AMDHD1: variants seen among roughly 807,000 people sequenced by gnomAD.
The protein encoded by AMDHD1 is amidohydrolase domain containing 1.
A neutral mutation model predicts 44.1 loss-of-function variants in AMDHD1; 45 were observed. The ratio of observed to expected loss-of-function variants is 1.02; its 90% CI spans 0.80 to 1.31. The LOEUF (loss-of-function observed/expected upper bound fraction) is 1.31, where lower values mean the gene tolerates loss of function less well. AMDHD1 is among the 50% of genes most tolerant of loss of function. The pLI is 0.00. For missense variants in AMDHD1, 586 were observed against 552.1 expected, an observed-to-expected ratio of 1.06 and a Z score of -0.61; for synonymous variants, 206 against 205.0, an observed-to-expected ratio of 1.00 and a Z score of -0.04.
At chr12:95,967,497 A>T (rs1336928367) in intron 8 of AMDHD1, among the ~76,000 whole-genome samples, 1 of 152,226 alleles carries the variant, frequency 6.6e-6, no homozygotes, top group African/African-American at 2.4e-5. Flanking sequence ...TATTGGATAT[A>T]ATGCTGATGG....
rs1289354859 is a variant in AMDHD1 at position 95,965,788 on chromosome 12, T to C, written c.1032+9T>C. 2 of 1,572,294 alleles carry C rather than the reference T, an allele frequency of 1.3e-6. No individual in the cohort carries two copies. The highest frequency in any genetic ancestry group is 1.7e-6 in the Non-Finnish European group (2 of 1,146,566). ...CATATTGCTTTTCAATGGTAATTATTTTTTTCATGTACCTTTCTGAGCAGA... is the reference window on the plus strand; with the variant it reads ...CATATTGCTTTTCAATGGTAATTATCTTTTTCATGTACCTTTCTGAGCAGA... On this transcript the variant is annotated intron_variant, in intron 7 of 8. Coordinates refer to ENST00000266736, the MANE Select transcript of AMDHD1 (RefSeq NM_152435.3).
chr12:95,952,333 T>C (rs1341771369), intron 1 of AMDHD1, among the ~76,000 whole-genome samples: 1 of 152,252 alleles, frequency 6.6e-6, no homozygotes. Context: ...TGTACGTTCT[T>C]GGCATCTTTG....
intron 1 of AMDHD1, among the ~76,000 whole-genome samples, chr12:95,951,380 G>GT (rs1282090118): frequency 6.6e-6 from 1 of 152,088 alleles, no homozygotes; most frequent in African/African-American, 2.4e-5. Context: ...TTAACATAAT[G>GT]TCCTCCAGTT....
intron 2 of AMDHD1, 52 bp downstream of exon 2, chr12:95,952,875 C>A: frequency 1.9e-6 from 2 of 1,080,572 alleles, no homozygotes; most frequent in South Asian, 1.3e-5. Context: ...ACAGTTGCTC[C>A]TGAAATGTAA....
At chr12:95,943,602 G>A (rs2080477003) in intron 1 of AMDHD1, 67 bp downstream of exon 1, 1 of 1,380,190 alleles carries the variant, frequency 7.2e-7, no homozygotes, top group Non-Finnish European at 9.3e-7. Flanking sequence ...CTCTCACTGT[G>A]CACTCTGGAG....
At chr12:95,945,887 A>G (rs1405385185) in intron 1 of AMDHD1, among the ~76,000 whole-genome samples, 1 of 152,180 alleles carries the variant, frequency 6.6e-6, no homozygotes, top group African/African-American at 2.4e-5. Context: ...CTATAGATAT[A>G]TAAAATGAGT....
intron 1 of AMDHD1, among the ~76,000 whole-genome samples, chr12:95,949,140 TAAAAAAAAAAAAAAAAAAAGAAAAA>T (rs1188401102): frequency 4.5e-4 from 2 of 4,460 alleles, no homozygotes; most frequent in Non-Finnish European, 6.3e-4. Flanking sequence ...AAAAATAAAT[TAAAAAAAAAAAAAAAAAAAGAAAAA>T]AAAAAAAAAA....
Position 95,955,076 on chromosome 12 carries a change from A to AT in AMDHD1, c.309+107dup, listed in dbSNP as rs1250813890. 5 of 1,140,680 alleles carry AT rather than the reference A, an allele frequency of 4.4e-6. No homozygotes were observed. In the East Asian group the frequency reaches 7.3e-5, roughly 17 times the overall value. 70.7% of individuals were successfully genotyped at this position (1,140,680 alleles called of 1,614,324 possible). On this transcript the variant is annotated intron_variant, in intron 3 of 8. Coordinates refer to ENST00000266736, the MANE Select transcript of AMDHD1 (RefSeq NM_152435.3). ...CAAGCTTTGCAACATATGTCAACAT[A>AT]TTTTTTAATGGATATTTTTACTTGC...
Position 95,943,397 on chromosome 12 carries a change from A to G in AMDHD1, c.-2A>G. The G allele has an allele frequency of 6.7e-7, 1 of 1,492,588 alleles. No homozygotes were observed. Among genetic ancestry groups the G allele is most frequent in the Non-Finnish European group, 8.9e-7 (1 of 1,127,826 alleles). The allele number at this position is 1,492,588 out of a possible 1,614,324, so 92.5% of individuals were successfully genotyped here. ...TCCCGGCGACCCTCGGCGCGAGGCG[A>G]CATGGCAAGCGGCCACAGCCTCCTG... is the stretch of plus-strand genomic sequence containing the variant. On this transcript the variant is annotated 5_prime_UTR_variant, in exon 1 of 9. Transcript: ENST00000266736.
chr12:95,966,022 G>A (rs1003861056), intron 7 of AMDHD1, among the ~76,000 whole-genome samples: 5 of 152,158 alleles, frequency 3.3e-5, no homozygotes, highest in Non-Finnish European at 7.3e-5. Context: ...TTTGAGTATT[G>A]TAGTTTTACA....
At position 95,967,840 on chromosome 12, in the gene AMDHD1, A is replaced by G. The variant is rs780966517; in HGVS notation, c.1278A>G (p.Thr426=). The change falls in exon 9 of 9, where the codon ACA becomes ACG. Residue 426 remains threonine (T), a synonymous_variant. Coordinates refer to ENST00000266736, the MANE Select transcript of AMDHD1 (RefSeq NM_152435.3). ...CTAAAGGAAAACTCATCTATAAAAC[A>G]TGATAGATTTGAAAAGAGAAGACTT... ...VIAKGKLIYK[T] is the part of the protein sequence containing the mutation. 3.6e-5 allele frequency: 56 copies of G among 1,574,808 alleles called. No homozygotes were observed. Among genetic ancestry groups the G allele is most frequent in the Non-Finnish European group, 4.4e-5 (51 of 1,157,014 alleles).
chr12:95,954,823 G>T, intron 2 of AMDHD1, 88 bp from the exon 3 acceptor site: 1 of 1,222,538 alleles, frequency 8.2e-7, no homozygotes, highest in Non-Finnish European at 1.2e-6. Flanking sequence ...ACTTTCCCCA[G>T]AGCAGCAGGG....
In AMDHD1 at chr12:95,943,423, C is replaced by A. The variant is rs1408990600; in HGVS notation, c.25C>A (p.Leu9Met). 2 of 1,505,244 alleles carry A rather than the reference C, an allele frequency of 1.3e-6. No individual in the cohort carries two copies. The highest frequency in any genetic ancestry group is 1.8e-6 in the Non-Finnish European group (2 of 1,134,096). 93.2% of individuals were successfully genotyped at this position (1,505,244 alleles called of 1,614,324 possible). The change falls in exon 1 of 9, where the codon CTG (leucine) becomes ATG (methionine). Residue 9 changes from leucine (L) to methionine (M), a missense_variant. Physicochemically the swap from Leu to Met is conservative, Grantham distance 15. Transcript: ENST00000266736. ...CATGGCAAGCGGCCACAGCCTCCTG[C>A]TGGAGAACGCGCAGCAAGTGGTGCT... MASGHSLL[L>M]ENAQQVVLVC...
Position 95,960,590 on chromosome 12 carries a change from T to C in AMDHD1, c.780T>C (p.His260=). The change falls in exon 5 of 9, where the codon CAT becomes CAC. Residue 260 remains histidine, a synonymous_variant. Coordinates refer to ENST00000266736, the MANE Select transcript of AMDHD1 (RefSeq NM_152435.3). ...GKDIGLQINF[H]GDELHPMKAA... ...ATATAGGGTTACAGATTAACTTCCA[T>C]GGGGATGAACTCCACCCGATGAAGG... The C allele has an allele frequency of 1.9e-6, 3 of 1,614,216 alleles. No individual in the cohort carries two copies. Among genetic ancestry groups the C allele is most frequent in the Non-Finnish European group, 1.7e-6 (2 of 1,180,030 alleles).
chr12:95,962,308 G>C (rs577239782), intron 5 of AMDHD1, 47 bp from the exon 6 acceptor site: 1 of 1,579,754 alleles, frequency 6.3e-7, no homozygotes, highest in Non-Finnish European at 8.6e-7. Context: ...TCATGGATTC[G>C]TTGTTGCTAT....
chr12:95,962,508 A>G lies in AMDHD1; in HGVS notation c.938+29A>G, dbSNP rs532568353. 6.3e-6 allele frequency: 10 copies of G among 1,577,908 alleles called. No individual in the cohort carries two copies. In the African/African-American group the frequency reaches 8.1e-5, roughly 13 times the overall value. On this transcript the variant is annotated intron_variant, in intron 6 of 8. Transcript: ENST00000266736. ...AGGTCGTTTCTCACCCCAGACCAAG[A>G]GCTGCAAGTACAAGCTGTGAAGACA...
rs181030307 is a variant in AMDHD1, at chr12:95,955,285, C to T, written c.309+310C>T. On this transcript the variant is annotated intron_variant, in intron 3 of 8. Coordinates refer to ENST00000266736, the MANE Select transcript of AMDHD1 (RefSeq NM_152435.3). ...AAGGAATAGTTTGAAAATTGCCATT[C>T]ATTGGAGTAAAGCTTGGAAAAATAT... Among the ~76,000 whole-genome samples the T allele has an allele frequency of 2.3e-3, 346 of 152,246 alleles. 1 individual carries two copies. The highest frequency in any genetic ancestry group is 8.6e-3 in the Admixed American group (131 of 15,286).
intron 1 of AMDHD1, among the ~76,000 whole-genome samples, chr12:95,949,556 A>C (rs1203319342): frequency 6.6e-6 from 1 of 152,230 alleles, no homozygotes; most frequent in African/African-American, 2.4e-5. Flanking sequence ...TAGGAAAAGA[A>C]AATACAGATG....
At position 95,967,989 on chromosome 12, in the gene AMDHD1, A is replaced by C. The variant is rs995488293; in HGVS notation, c.*146A>C. 3.5e-6 allele frequency: 2 copies of C among 571,956 alleles called. No homozygotes were observed. Among genetic ancestry groups the C allele is most frequent in the Admixed American group, 3.8e-5 (1 of 26,646 alleles). The allele number at this position is 571,956 out of a possible 1,614,324, so 35.4% of individuals were successfully genotyped here. ...TCTTTTTAAGTCACTCAAAAAACCC[A>C]AGGGATAGATTTATTTTCATTTAAC... On this transcript the variant is annotated 3_prime_UTR_variant, in exon 9 of 9. Transcript: ENST00000266736.
Sources: gnomAD v4.1 joint callset for allele counts (sites outside exome capture counted in the v4.1 genomes callset) on GRCh38, gnomAD v4.1.1 for gene constraint, MANE v1.5 for transcripts, NCBI Gene and HGNC (gene_info 2026-07-23, HGNC 2026-07-21) for gene names.